Variants in CYTH3 observed in about 807,000 individuals in gnomAD.
CYTH3 encodes the protein cytohesin 3, also known as cytohesin-3.
A neutral mutation model predicts 55.1 loss-of-function variants in CYTH3; 23 were observed. The observed-to-expected ratio is 0.42, with a 90% CI of 0.30 to 0.59. CYTH3 has a LOEUF of 0.59. Ranked by LOEUF, CYTH3 falls within the 20% of genes least tolerant of loss-of-function variation. The pLI is 0.20. For synonymous variants in CYTH3, 249 were observed against 194.9 expected (o/e 1.28, Z -2.31); for missense variants, 413 against 524.8 (o/e 0.79, Z 2.08).
chr7:6,221,822 C>T (rs1188597340), intron 1 of CYTH3, among the ~76,000 whole-genome samples: 2 of 152,068 alleles, frequency 1.3e-5, no homozygotes, highest in African/African-American at 4.8e-5. Flanking sequence ...CATAGTGAGG[C>T]GTGTCTGTGG....
intron 9 of CYTH3, among the ~76,000 whole-genome samples, chr7:6,168,154 G>C (rs529200234): frequency 6.6e-6 from 1 of 151,788 alleles, no homozygotes; most frequent in African/African-American, 2.4e-5. Context: ...AGGCGCGTAC[G>C]TGCACACACA....
intron 1 of CYTH3, among the ~76,000 whole-genome samples, chr7:6,254,621 TG>T (rs1192349980): frequency 2.0e-5 from 3 of 152,320 alleles, no homozygotes; most frequent in South Asian, 4.1e-4. Context: ...GCTAATTTTT[TG>T]TATTTTTAGT....
chr7:6,250,264 A>G (rs1437410155), intron 1 of CYTH3, among the ~76,000 whole-genome samples: 2 of 152,240 alleles, frequency 1.3e-5, no homozygotes, highest in Non-Finnish European at 2.9e-5. Context: ...GCAACTGTTC[A>G]TAAGATTATC....
intron 1 of CYTH3, among the ~76,000 whole-genome samples, chr7:6,220,639 T>A (rs920784551): frequency 6.7e-6 from 1 of 150,050 alleles, no homozygotes; most frequent in African/African-American, 2.5e-5. Flanking sequence ...CTTTCATACA[T>A]TGCTGGTGGG....
chr7:6,216,964 G>A (rs1345628853), intron 1 of CYTH3, among the ~76,000 whole-genome samples: 2 of 150,904 alleles, frequency 1.3e-5, no homozygotes, highest in African/African-American at 2.4e-5. Flanking sequence ...CCAGGCTGGA[G>A]TGCAGTGGCA....
intron 4 of CYTH3, among the ~76,000 whole-genome samples, chr7:6,182,858 G>C (rs1783543958): frequency 6.6e-6 from 1 of 152,272 alleles, no homozygotes; most frequent in South Asian, 2.1e-4. Flanking sequence ...TCTTCTGTTT[G>C]TTGGGTTTCA....
chr7:6,195,186 T>C (rs1783895652), intron 1 of CYTH3, among the ~76,000 whole-genome samples: 1 of 152,142 alleles, frequency 6.6e-6, no homozygotes, highest in Non-Finnish European at 1.5e-5. Context: ...CTGTAGGTAC[T>C]GTGATCCCTA....
At chr7:6,252,983 A>C (rs1780012000) in intron 1 of CYTH3, among the ~76,000 whole-genome samples, 1 of 152,174 alleles carries the variant, frequency 6.6e-6, no homozygotes, top group African/African-American at 2.4e-5. Context: ...TGACATCTGA[A>C]CCACTCCGTA....
intron 1 of CYTH3, among the ~76,000 whole-genome samples, chr7:6,255,757 T>TCTCTTC (rs1780084273): frequency 7.7e-6 from 1 of 129,268 alleles, no homozygotes; most frequent in African/African-American, 4.1e-5. Flanking sequence ...ACCTTTAATC[T>TCTCTTC]GTTTTTTTTT....
At chr7:6,233,231 G>GT (rs1779432264) in intron 1 of CYTH3, among the ~76,000 whole-genome samples, 1 of 152,110 alleles carries the variant, frequency 6.6e-6, no homozygotes, top group African/African-American at 2.4e-5. Context: ...AGATATATCA[G>GT]TGTGTCCAAA....
At chr7:6,195,610 A>C (rs113066881) in intron 1 of CYTH3, among the ~76,000 whole-genome samples, 10 of 152,138 alleles carry the variant, frequency 6.6e-5, no homozygotes, top group African/African-American at 2.4e-4. Flanking sequence ...GCCTGCCATC[A>C]CGCCCGGCTA....
At chr7:6,192,267 C>G (rs1783818998) in intron 1 of CYTH3, among the ~76,000 whole-genome samples, 1 of 152,142 alleles carries the variant, frequency 6.6e-6, no homozygotes, top group African/African-American at 2.4e-5. Context: ...CAGGATCTCA[C>G]TGCAGTGAAA....
intron 1 of CYTH3, among the ~76,000 whole-genome samples, chr7:6,215,275 G>T (rs1045858815): frequency 6.6e-6 from 1 of 152,126 alleles, no homozygotes; most frequent in South Asian, 2.1e-4. Flanking sequence ...GTCCCAAAAC[G>T]TACAGATAAT....
At chr7:6,188,009 G>A (rs2189996) in intron 2 of CYTH3, among the ~76,000 whole-genome samples, 4 of 151,218 alleles carry the variant, frequency 2.6e-5, no homozygotes, top group South Asian at 4.2e-4. Flanking sequence ...AAGCACACTG[G>A]GGGGGGAATA....
intron 1 of CYTH3, among the ~76,000 whole-genome samples, chr7:6,259,772 T>TAATATATATATATATTATA (rs1491219669): frequency 6.6e-5 from 2 of 30,494 alleles, no homozygotes; most frequent in Non-Finnish European, 9.1e-5. Context: ...TATATATATA[T>TAATATATATATATATTATA]TATATATATA....
At chr7:6,215,290 C>G (rs1784401488) in intron 1 of CYTH3, among the ~76,000 whole-genome samples, 1 of 152,132 alleles carries the variant, frequency 6.6e-6, no homozygotes, top group Non-Finnish European at 1.5e-5. Flanking sequence ...GATAATTTCC[C>G]TAAAGACAAA....
intron 1 of CYTH3, among the ~76,000 whole-genome samples, chr7:6,204,765 AC>A (rs1214640277): frequency 6.6e-6 from 1 of 152,218 alleles, no homozygotes; most frequent in Non-Finnish European, 1.5e-5. Flanking sequence ...TGCTCAAAAT[AC>A]TTAGAGTGCT....
In CYTH3 at chr7:6,206,893, G is replaced by A. The variant is rs140280936; in HGVS notation, c.35-16362C>T. On this transcript the variant is annotated intron_variant, in intron 1 of 12. Transcript: ENST00000350796. ...TCCCAGCAGCGTTTTAAGGGACAAC[G>A]GGGGAGACGATTTTTTTCGTTTTAG... Among the ~76,000 whole-genome samples the A allele has an allele frequency of 8.5e-3, 1,299 of 152,072 alleles. 19 individuals are homozygous for A. Among genetic ancestry groups the A allele is most frequent in the African/African-American group, 0.03 (1,231 of 41,452 alleles).
intron 9 of CYTH3, among the ~76,000 whole-genome samples, chr7:6,166,605 C>T (rs146087256): frequency 2.6e-5 from 4 of 152,130 alleles, no homozygotes; most frequent in Admixed American, 1.3e-4. Context: ...AGACTGTGTG[C>T]GAAGGGCTCT....
Sources: allele counts gnomAD v4.1 joint callset (sites outside exome capture counted in the v4.1 genomes callset), GRCh38; gene constraint gnomAD v4.1.1; transcripts MANE v1.5; gene names NCBI Gene and HGNC (gene_info 2026-07-23, HGNC 2026-07-21).